The following NAALADL2 variants were observed in gnomAD, a reference collection of about 807,000 sequenced individuals.
NAALADL2 encodes the protein N-acetylated alpha-linked acidic dipeptidase like 2.
NAALADL2 carries 76 observed loss-of-function variants against 87.2 expected under a neutral mutation model. That is an observed-to-expected ratio of 0.87 (90% CI 0.72 to 1.05). The LOEUF is 1.05. Among genes scored for constraint, NAALADL2 ranks in the 50% least tolerant of loss-of-function variants. NAALADL2 has a pLI of 0.00. For synonymous variants in NAALADL2, 354 were observed against 331.0 expected (o/e 1.07, Z -0.75); for missense variants, 1,089 against 945.8 (o/e 1.15, Z -1.99).
intron 3 of NAALADL2, among the ~76,000 whole-genome samples, chr3:174,754,167 A>G (rs1207388148): frequency 1.3e-5 from 2 of 152,200 alleles, no homozygotes; most frequent in Non-Finnish European, 2.9e-5. Context: ...TAGTAAAAAG[A>G]TTGTAGTTAT....
chr3:175,093,659 A>G (rs895318730), intron 1 of NAALADL2, among the ~76,000 whole-genome samples: 28 of 151,510 alleles, frequency 1.8e-4, no homozygotes, highest in African/African-American at 6.8e-4. Flanking sequence ...TTTATCATAT[A>G]TGTCATTACA....
rs149935934 is a variant in NAALADL2, at chr3:174,864,222, T to A, written c.43+4772T>A. On this transcript the variant is annotated intron_variant, in intron 1 of 13. Coordinates refer to ENST00000454872, the MANE Select transcript of NAALADL2 (RefSeq NM_207015.3). ...GGAAAACAAAATCTGAAGTAAAGCC[T>A]AAGAAATAGTTAATGAAATCAACTA... 1.8e-5 allele frequency: 6 copies of A among 342,624 alleles called. No homozygotes were observed. The East Asian group carries it at 3.8e-4, about 22-fold the overall frequency. 21.2% of individuals were successfully genotyped at this position (342,624 alleles called of 1,614,324 possible).
rs184545510 is a variant in NAALADL2, at chr3:174,691,368, C to T, written c.-114-46273C>T. Among the ~76,000 whole-genome samples, 608 of 151,750 alleles carry T rather than the reference C, an allele frequency of 4.0e-3. 1 individual carries two copies. Among genetic ancestry groups the T allele is most frequent in the African/African-American group, 0.014 (580 of 41,378 alleles). Reference sequence around the variant, plus strand: ...CAGAGGTTGCAGTGGTCCGAGATCGCGCCACTGCACTCTGGCCTGGGTGAC... The same window carrying T: ...CAGAGGTTGCAGTGGTCCGAGATCGTGCCACTGCACTCTGGCCTGGGTGAC... On this transcript the variant is annotated intron_variant, in intron 2 of 3. Transcript: ENST00000434257.
intron 1 of NAALADL2, among the ~76,000 whole-genome samples, chr3:174,877,604 A>C (rs982405888): frequency 6.6e-6 from 1 of 152,050 alleles, no homozygotes; most frequent in East Asian, 1.9e-4. Flanking sequence ...AGTTTTATCC[A>C]CTCAGTATTA....
chr3:175,186,510 G>T (rs375379928), intron 2 of NAALADL2, among the ~76,000 whole-genome samples: 1 of 151,982 alleles, frequency 6.6e-6, no homozygotes, highest in East Asian at 1.9e-4. Context: ...AAACAACCAG[G>T]ATTAGAAAGT....
intron 5 of NAALADL2, among the ~76,000 whole-genome samples, chr3:175,388,517 T>C (rs997171824): frequency 2.0e-5 from 3 of 152,048 alleles, no homozygotes; most frequent in African/African-American, 4.8e-5. Context: ...AGGATAAAGA[T>C]TGCTAATGAA....
chr3:175,559,054 A>G (rs1560756531), intron 9 of NAALADL2, among the ~76,000 whole-genome samples: 1 of 152,104 alleles, frequency 6.6e-6, no homozygotes. Context: ...TTTTCAATAT[A>G]TGAACATGGA....
chr3:175,062,819 C>A (rs1024818196), intron 1 of NAALADL2, among the ~76,000 whole-genome samples: 1 of 152,094 alleles, frequency 6.6e-6, no homozygotes, highest in Non-Finnish European at 1.5e-5. Flanking sequence ...ATTTAGCAAG[C>A]ACTCACAGAC....
intron 1 of NAALADL2, among the ~76,000 whole-genome samples, chr3:174,495,672 A>G (rs1718484855): frequency 2.5e-5 from 1 of 40,682 alleles, no homozygotes; most frequent in South Asian, 1.2e-3. Context: ...TGAGAGGTTC[A>G]CAGGGGATAC....
At chr3:175,358,975 G>T (rs550940850) in intron 5 of NAALADL2, among the ~76,000 whole-genome samples, 6 of 152,094 alleles carry the variant, frequency 3.9e-5, no homozygotes, top group African/African-American at 1.4e-4. Flanking sequence ...CCATGGAACT[G>T]TAAAACAAAA....
intron 3 of NAALADL2, among the ~76,000 whole-genome samples, chr3:174,829,097 T>A (rs73174765): frequency 6.7e-6 from 1 of 150,264 alleles, no homozygotes; most frequent in South Asian, 2.1e-4. Context: ...TCTGTTTTTT[T>A]TTGTTGTTGT....
In NAALADL2 at chr3:175,197,660, A is replaced by G. The variant is rs562683607; in HGVS notation, c.546-36271A>G. On this transcript the variant is annotated intron_variant, in intron 2 of 13. Transcript: ENST00000454872. ...TAATTAATTAATTAAGATTTGTCAA[A>G]CAACTCTATACACCAGGCATTCTTA... Among the ~76,000 whole-genome samples, 93 of 152,124 alleles carry G rather than the reference A, an allele frequency of 6.1e-4. 4 individuals carry two copies. The South Asian group carries it at 0.018, about 30-fold the overall frequency.
chr3:174,496,497 A>G (rs1718545309), intron 1 of NAALADL2, among the ~76,000 whole-genome samples: 2 of 102,264 alleles, frequency 2.0e-5, no homozygotes, highest in African/African-American at 3.8e-5. Flanking sequence ...ATATGTATGT[A>G]TATATTTATA....
intron 1 of NAALADL2, among the ~76,000 whole-genome samples, chr3:175,084,698 C>G (rs1718535351): frequency 1.3e-5 from 2 of 152,058 alleles, no homozygotes; most frequent in Non-Finnish European, 2.9e-5. Context: ...CAAAGTTACG[C>G]ATTTAGTCAA....
intron 4 of NAALADL2, among the ~76,000 whole-genome samples, chr3:175,267,890 AT>A (rs1470163005): frequency 6.6e-6 from 1 of 152,160 alleles, no homozygotes; most frequent in African/African-American, 2.4e-5. Context: ...CTAAGACTTC[AT>A]TTTGTCCTTG....
At chr3:175,292,433 G>T (rs1303072090) in intron 4 of NAALADL2, among the ~76,000 whole-genome samples, 1 of 152,148 alleles carries the variant, frequency 6.6e-6, no homozygotes, top group East Asian at 1.9e-4. Context: ...TGTAGAAAGT[G>T]ATTTTGTGGG....
intron 2 of NAALADL2, among the ~76,000 whole-genome samples, chr3:174,722,608 A>G (rs534383387): frequency 6.6e-6 from 1 of 152,312 alleles, no homozygotes; most frequent in South Asian, 2.1e-4. Context: ...AGACTGAGGC[A>G]GGAGAATCGC....
intron 4 of NAALADL2, among the ~76,000 whole-genome samples, chr3:175,286,738 C>T (rs887992639): frequency 4.0e-5 from 6 of 151,384 alleles, no homozygotes; most frequent in African/African-American, 1.5e-4. Context: ...TTTGTCTATA[C>T]TTTTAGAAAC....
At chr3:175,672,888 A>G (rs1457734402) in intron 11 of NAALADL2, among the ~76,000 whole-genome samples, 5 of 152,132 alleles carry the variant, frequency 3.3e-5, no homozygotes, top group Non-Finnish European at 7.4e-5. Flanking sequence ...ATTCTGAGGA[A>G]TGTAAGCTTT....
Sources: gnomAD v4.1 joint callset for allele counts (sites outside exome capture counted in the v4.1 genomes callset) on GRCh38, gnomAD v4.1.1 for gene constraint, MANE v1.5 for transcripts, NCBI Gene and HGNC (gene_info 2026-07-23, HGNC 2026-07-21) for gene names.